The following AJAP1 variants were observed in gnomAD, a reference collection of about 807,000 sequenced individuals.
AJAP1 encodes the protein adherens junction-associated protein 1.
AJAP1 carries 5 observed loss-of-function variants against 35.0 expected under a neutral mutation model. The ratio of observed to expected loss-of-function variants is 0.14; its 90% CI spans 0.07 to 0.30. The LOEUF (loss-of-function observed/expected upper bound fraction) is 0.30. AJAP1 is among the 10% of genes least tolerant of loss of function. The pLI, the probability that AJAP1 is intolerant of heterozygous loss-of-function variation, is 1.00. For missense variants in AJAP1, 586 were observed against 571.0 expected, an observed-to-expected ratio of 1.03 and a Z score of -0.27; for synonymous variants, 284 against 249.3, an observed-to-expected ratio of 1.14 and a Z score of -1.31.
At position 4,741,305 on chromosome 1, in the gene AJAP1, C is replaced by G. The variant is rs1339336375; in HGVS notation, c.830-28548C>G. Among the ~76,000 whole-genome samples, 3 of 152,260 alleles carry G rather than the reference C, an allele frequency of 2.0e-5. No homozygotes were observed. The East Asian group carries it at 5.8e-4, about 30-fold the overall frequency. ...TCTCACAGGTCTGGAGCAGGAAGCC[C>G]AAATCAGAGTGTGTGCAGGGTCTTG... is the stretch of plus-strand genomic sequence containing the variant. On this transcript the variant is annotated intron_variant, in intron 2 of 5. Transcript: ENST00000378191.
intron 2 of AJAP1, among the ~76,000 whole-genome samples, chr1:4,736,326 G>T (rs964372492): frequency 2.6e-5 from 4 of 152,168 alleles, no homozygotes; most frequent in Non-Finnish European, 5.9e-5. Context: ...GGCTGTGACC[G>T]CCTTCTCCCT....
At chr1:4,685,344 G>A (rs991976938) in intron 1 of AJAP1, among the ~76,000 whole-genome samples, 6 of 152,144 alleles carry the variant, frequency 3.9e-5, no homozygotes, top group Non-Finnish European at 7.4e-5. Context: ...TTTAAATGCC[G>A]CCTGCATAGC....
At chr1:4,711,652 C>G (rs1640238636) in intron 1 of AJAP1, among the ~76,000 whole-genome samples, 1 of 152,208 alleles carries the variant, frequency 6.6e-6, no homozygotes, top group African/African-American at 2.4e-5. Context: ...GCCTGGCAGG[C>G]GCCTCAGCCC....
At chr1:4,684,943 C>A (rs1004876599) in intron 1 of AJAP1, among the ~76,000 whole-genome samples, 1 of 152,176 alleles carries the variant, frequency 6.6e-6, no homozygotes, top group African/African-American at 2.4e-5. Context: ...TGGAGTCAGA[C>A]CTGATCCCAA....
rs546238635 is a variant in AJAP1, at chr1:4,763,344, C to T, written c.830-6509C>T. ...CGAGTCCTGTGAGATGTCAGCAAAGCATTTCCTTAGGGGGAGTTCTGTTTC... is the reference window on the plus strand; with the variant it reads ...CGAGTCCTGTGAGATGTCAGCAAAGTATTTCCTTAGGGGGAGTTCTGTTTC... On this transcript the variant is annotated intron_variant, in intron 2 of 5. Transcript: ENST00000378191. 2.0e-5 allele frequency among the ~76,000 whole-genome samples: 3 copies of T among 152,322 alleles called. No homozygotes were observed. In the South Asian group the frequency reaches 6.2e-4, roughly 32 times the overall value.
At chr1:4,768,864 A>G (rs1276072845) in intron 2 of AJAP1, among the ~76,000 whole-genome samples, 2 of 152,220 alleles carry the variant, frequency 1.3e-5, no homozygotes, top group Non-Finnish European at 2.9e-5. Flanking sequence ...ATGTGTAGTC[A>G]GGAGAGAAGG....
intron 1 of AJAP1, among the ~76,000 whole-genome samples, chr1:4,711,630 G>A (rs1270321493): frequency 6.6e-6 from 1 of 152,172 alleles, no homozygotes; most frequent in Non-Finnish European, 1.5e-5. Flanking sequence ...TTCGGCGACC[G>A]GCCGGCTCTG....
Position 4,737,835 on chromosome 1 carries a change from G to A in AJAP1, c.829+25136G>A, listed in dbSNP as rs948124909. On this transcript the variant is annotated intron_variant, in intron 2 of 5. Transcript: ENST00000378191. The stretch of plus-strand genomic sequence containing the variant: ...GTGGATCGCTTGAGCCCAGAAGATT[G>A]AGGCTGCCGTGAACCATGATTGCAC... 9.2e-5 allele frequency among the ~76,000 whole-genome samples: 14 copies of A among 152,164 alleles called. 1 individual carries two copies. Among genetic ancestry groups the A allele is most frequent in the Admixed American group, 7.2e-4 (11 of 15,264 alleles).
At chr1:4,772,666 A>G in intron 4 of AJAP1, 141 bp downstream of exon 4, 4 of 1,277,608 alleles carry the variant, frequency 3.1e-6, no homozygotes, top group Admixed American at 2.6e-5. Context: ...GCCAAGGCGG[A>G]CAGCTAATTT....
At position 4,791,945 on chromosome 1, in the gene AJAP1, A is replaced by G. The variant is rs1642254685; in HGVS notation, c.*9460A>G. On this transcript the variant is annotated 3_prime_UTR_variant, in exon 6 of 6. Coordinates refer to ENST00000378191, the MANE Select transcript of AJAP1 (RefSeq NM_018836.4). ...ATTCACAAACCTGAAGCTGAACCAC[A>G]GGACAAGAAATTAAACAGCAACGGC... 6.6e-6 allele frequency: 1 copy of G among 152,258 alleles called. No individual in the cohort carries two copies. The highest frequency in any genetic ancestry group is 1.5e-5 in the Non-Finnish European group (1 of 68,050). 9.4% of individuals were successfully genotyped at this position (152,258 alleles called of 1,614,324 possible). A position where few individuals can be genotyped will look rare whatever the true frequency, so the allele number is the denominator to read the frequency against.
intron 1 of AJAP1, among the ~76,000 whole-genome samples, chr1:4,670,122 C>G (rs1467342728): frequency 6.6e-6 from 1 of 152,170 alleles, no homozygotes; most frequent in Non-Finnish European, 1.5e-5. Flanking sequence ...TTACAGGTGG[C>G]TGCCCAGCAA....
At chr1:4,748,895 G>T (rs1195676520) in intron 2 of AJAP1, among the ~76,000 whole-genome samples, 2 of 152,046 alleles carry the variant, frequency 1.3e-5, no homozygotes, top group Non-Finnish European at 2.9e-5. Context: ...GCCCTTGCTA[G>T]ACCCCAAACC....
rs150916058 is a variant in AJAP1, at chr1:4,727,156, G to A, written c.829+14457G>A. 7.6e-3 allele frequency among the ~76,000 whole-genome samples: 1,156 copies of A among 152,348 alleles called. 17 individuals carry two copies. Among genetic ancestry groups the A allele is most frequent in the African/African-American group, 0.025 (1,025 of 41,580 alleles). On this transcript the variant is annotated intron_variant, in intron 2 of 5. Transcript: ENST00000378191. ...ACAGCTCTCACTGTGCCAGGCGGCC[G>A]TTCCCAGGCTCAGGTGGGTGAAGAG...
chr1:4,780,016 C>T (rs558193632), intron 5 of AJAP1, among the ~76,000 whole-genome samples: 2 of 150,884 alleles, frequency 1.3e-5, no homozygotes, highest in East Asian at 2.0e-4. Flanking sequence ...GTGTGGTGTG[C>T]GCCTATAATC....
chr1:4,675,617 G>A (rs1283851141), intron 1 of AJAP1, among the ~76,000 whole-genome samples: 3 of 152,180 alleles, frequency 2.0e-5, no homozygotes, highest in African/African-American at 4.8e-5. Flanking sequence ...CACATTGCTC[G>A]ACTGTATGGT....
chr1:4,704,950 G>A (rs899135349), intron 1 of AJAP1, among the ~76,000 whole-genome samples: 5 of 152,224 alleles, frequency 3.3e-5, no homozygotes, highest in Non-Finnish European at 5.9e-5. Flanking sequence ...CTGCATAGAT[G>A]TCTTCTTTTG....
At chr1:4,727,544 C>A (rs769452342) in intron 2 of AJAP1, among the ~76,000 whole-genome samples, 20 of 152,210 alleles carry the variant, frequency 1.3e-4, no homozygotes, top group Non-Finnish European at 2.1e-4. Flanking sequence ...CATATTCTCA[C>A]CCCTGGGCAG....
intron 2 of AJAP1, among the ~76,000 whole-genome samples, chr1:4,718,338 A>G (rs1640441987): frequency 6.6e-6 from 1 of 151,968 alleles, no homozygotes; most frequent in South Asian, 2.1e-4. Context: ...TCCCTGTCAA[A>G]TGTTCCTGGC....
chr1:4,710,468 CACAT>C (rs1198002842), intron 1 of AJAP1, among the ~76,000 whole-genome samples: 8 of 55,300 alleles, frequency 1.4e-4, no homozygotes, highest in Admixed American at 7.9e-4. Flanking sequence ...CGTACACACT[CACAT>C]ACGTGTGCTT....
Sources: gnomAD v4.1 joint callset for allele counts (sites outside exome capture counted in the v4.1 genomes callset) on GRCh38, gnomAD v4.1.1 for gene constraint, MANE v1.5 for transcripts, NCBI Gene and HGNC (gene_info 2026-07-23, HGNC 2026-07-21) for gene names.